Variants in KCNH5 observed in about 807,000 individuals in gnomAD.
KCNH5 encodes voltage-gated delayed rectifier potassium channel KCNH5.
In KCNH5, 46 loss-of-function variants were observed where a neutral mutation model predicts 96.1. The observed-to-expected ratio is 0.48, with a 90% CI of 0.38 to 0.61. KCNH5 has a LOEUF of 0.61. Among genes scored for constraint, KCNH5 ranks in the 20% least tolerant of loss-of-function variants. The pLI is 0.00. For missense variants in KCNH5, 907 were observed against 1,225.8 expected, an observed-to-expected ratio of 0.74 and a Z score of 3.88; for synonymous variants, 439 against 449.8, an observed-to-expected ratio of 0.98 and a Z score of 0.30.
intron 7 of KCNH5, among the ~76,000 whole-genome samples, chr14:62,908,930 C>T (rs1381599716): frequency 6.6e-6 from 1 of 150,712 alleles, no homozygotes; most frequent in Non-Finnish European, 1.5e-5. Context: ...ACTACCTGAC[C>T]AGGTCCAAAT....
chr14:63,041,210 T>G (rs1229173824), intron 1 of KCNH5, among the ~76,000 whole-genome samples: 1 of 152,116 alleles, frequency 6.6e-6, no homozygotes, highest in Non-Finnish European at 1.5e-5. Flanking sequence ...TTGAAATATT[T>G]TTTGTCTTTT....
intron 10 of KCNH5, among the ~76,000 whole-genome samples, chr14:62,721,745 C>T (rs1037099744): frequency 8.5e-5 from 13 of 152,160 alleles, no homozygotes; most frequent in Non-Finnish European, 1.9e-4. Flanking sequence ...TCATTTAGTG[C>T]CATGTTAAAC....
chr14:62,991,285 A>T (rs961290749), intron 4 of KCNH5, among the ~76,000 whole-genome samples: 2 of 152,022 alleles, frequency 1.3e-5, no homozygotes, highest in Non-Finnish European at 2.9e-5. Flanking sequence ...AGCTTATATG[A>T]AGGAAGTCTT....
At chr14:62,819,991 G>A (rs1174690181) in intron 8 of KCNH5, among the ~76,000 whole-genome samples, 2 of 152,186 alleles carry the variant, frequency 1.3e-5, no homozygotes, top group African/African-American at 4.8e-5. Context: ...CATGGGCCTG[G>A]TATAGAGTGT....
At chr14:62,906,327 G>A (rs1889027147) in intron 7 of KCNH5, among the ~76,000 whole-genome samples, 1 of 152,182 alleles carries the variant, frequency 6.6e-6, no homozygotes, top group African/African-American at 2.4e-5. Flanking sequence ...ACTTGGTGCT[G>A]TGAGAATATA....
At chr14:62,715,029 T>C (rs1249176994) in intron 10 of KCNH5, among the ~76,000 whole-genome samples, 5 of 152,202 alleles carry the variant, frequency 3.3e-5, no homozygotes, top group Non-Finnish European at 7.3e-5. Context: ...TGCTTCATTA[T>C]GTTCTGCAGA....
At chr14:63,029,539 A>G (rs1891587949) in intron 1 of KCNH5, among the ~76,000 whole-genome samples, 1 of 152,070 alleles carries the variant, frequency 6.6e-6, no homozygotes, top group Non-Finnish European at 1.5e-5. Flanking sequence ...GGATGTATGT[A>G]TGTATGTATG....
intron 1 of KCNH5, among the ~76,000 whole-genome samples, chr14:63,042,667 G>A (rs1240201669): frequency 6.6e-6 from 1 of 151,978 alleles, no homozygotes; most frequent in Non-Finnish European, 1.5e-5. Context: ...AATCCTGAAG[G>A]GAATTTTCTA....
At chr14:63,042,919 T>C (rs1891853106) in intron 1 of KCNH5, among the ~76,000 whole-genome samples, 1 of 152,118 alleles carries the variant, frequency 6.6e-6, no homozygotes, top group African/African-American at 2.4e-5. Context: ...GGTCTTTGAG[T>C]AGTGGTATTC....
intron 7 of KCNH5, among the ~76,000 whole-genome samples, chr14:62,917,217 C>G (rs1200138125): frequency 6.6e-6 from 1 of 152,084 alleles, no homozygotes; most frequent in African/African-American, 2.4e-5. Context: ...TTCTTTTGTT[C>G]TGTGTTGAAT....
intron 1 of KCNH5, among the ~76,000 whole-genome samples, chr14:63,020,537 C>G (rs932894023): frequency 6.6e-6 from 1 of 151,998 alleles, no homozygotes; most frequent in East Asian, 1.9e-4. Flanking sequence ...AAAACAGCCA[C>G]TAAAGTAGGT....
intron 1 of KCNH5, among the ~76,000 whole-genome samples, chr14:63,026,182 C>T (rs10133358): frequency 0.29 from 43,392 of 151,786 alleles, 7,376 homozygotes; most frequent in East Asian, 0.57. Context: ...TAAAATTAGA[C>T]GCTCATCTCA....
intron 10 of KCNH5, among the ~76,000 whole-genome samples, chr14:62,759,498 C>A (rs144212242): frequency 0.012 from 1,751 of 151,812 alleles, 31 homozygotes; most frequent in African/African-American, 0.04. Context: ...AACATTTGCT[C>A]AAAAGCTGAA....
intron 6 of KCNH5, among the ~76,000 whole-genome samples, chr14:62,968,689 G>A (rs1475121945): frequency 1.3e-5 from 2 of 152,180 alleles, no homozygotes; most frequent in African/African-American, 2.4e-5. Flanking sequence ...GTATAGTTAG[G>A]AAATGTGGTA....
chr14:62,862,209 T>G (rs150297656), intron 7 of KCNH5, among the ~76,000 whole-genome samples: 1 of 152,314 alleles, frequency 6.6e-6, no homozygotes, highest in Non-Finnish European at 1.5e-5. Flanking sequence ...ATTAGGATAA[T>G]ACTTAAAATA....
At chr14:62,790,625 T>C (rs1886414168) in intron 9 of KCNH5, among the ~76,000 whole-genome samples, 1 of 151,500 alleles carries the variant, frequency 6.6e-6, no homozygotes, top group South Asian at 2.1e-4. Flanking sequence ...GCTAACTTAT[T>C]GGTGGTATAC....
At chr14:62,971,523 A>C (rs901493554) in intron 6 of KCNH5, among the ~76,000 whole-genome samples, 1 of 152,126 alleles carries the variant, frequency 6.6e-6, no homozygotes, top group Non-Finnish European at 1.5e-5. Context: ...GCTTATATAG[A>C]CAGGCAAAAA....
chr14:62,823,182 G>A (rs563564755), intron 8 of KCNH5, among the ~76,000 whole-genome samples: 1 of 151,982 alleles, frequency 6.6e-6, no homozygotes, highest in South Asian at 2.1e-4. Flanking sequence ...TCAATTTATA[G>A]CAACATGTCC....
chr14:62,891,361 C>G (rs190525070), intron 7 of KCNH5, among the ~76,000 whole-genome samples: 1 of 152,074 alleles, frequency 6.6e-6, no homozygotes, highest in Non-Finnish European at 1.5e-5. Context: ...ATGATGACAA[C>G]TTATGAACAC....
Sources: gnomAD v4.1 joint callset for allele counts (sites outside exome capture counted in the v4.1 genomes callset) on GRCh38, gnomAD v4.1.1 for gene constraint, MANE v1.5 for transcripts, NCBI Gene and HGNC (gene_info 2026-07-23, HGNC 2026-07-21) for gene names.